STAT2: variants seen among roughly 807,000 people sequenced by gnomAD.
STAT2 encodes the protein signal transducer and activator of transcription 2, also known as interferon alpha induced transcriptional activator.
A neutral mutation model predicts 122.3 loss-of-function variants in STAT2; 51 were observed. That is an observed-to-expected ratio of 0.42 (90% CI 0.33 to 0.53). The LOEUF (loss-of-function observed/expected upper bound fraction) is 0.53, where lower values mean the gene tolerates loss of function less well. STAT2 is among the 20% of genes least tolerant of loss of function. The pLI is 0.10. For synonymous variants in STAT2, 351 were observed against 394.9 expected, an observed-to-expected ratio of 0.89 and a Z score of 1.32; for missense variants, 736 against 1,010.3, an observed-to-expected ratio of 0.73 and a Z score of 3.68.
At chr12:56,353,186 AT>A (rs558056744) in intron 8 of STAT2, among the ~76,000 whole-genome samples, 19 of 152,162 alleles carry the variant, frequency 1.2e-4, no homozygotes, top group Middle Eastern at 3.4e-3. Flanking sequence ...GTTTCACCAC[AT>A]TGGCCAGGCT....
chr12:56,345,695 C>T (rs555070910), intron 22 of STAT2, among the ~76,000 whole-genome samples: 1 of 143,864 alleles, frequency 7.0e-6, no homozygotes, highest in Admixed American at 7.1e-5. Flanking sequence ...GTGATGCATG[C>T]CTGTATTGCT....
chr12:56,357,710 CTTT>C (rs940388949), intron 1 of STAT2, among the ~76,000 whole-genome samples: 26 of 130,112 alleles, frequency 2.0e-4, no homozygotes, highest in South Asian at 5.0e-4. Flanking sequence ...AATTTTCTTT[CTTT>C]TTTTTTTTTT....
At position 56,351,333 on chromosome 12, in the gene STAT2, G is replaced by A; in HGVS notation, c.900C>T (p.Arg300=). The A allele has an allele frequency of 6.2e-7, 1 of 1,614,192 alleles. No homozygotes were observed. Among genetic ancestry groups the A allele is most frequent in the Non-Finnish European group, 8.5e-7 (1 of 1,180,048 alleles). ...GTAGCAACTCTGTGACCTGGGCGTT[G>A]CGTAGGTCCACCCCTTTGGTCAGAG... ...DDPLTKGVDL[R]NAQVTELLQR... Residue 300 remains arginine, a synonymous_variant, in exon 9 of 24, where the codon CGC becomes CGT. Coordinates refer to ENST00000314128, the MANE Select transcript of STAT2 (RefSeq NM_005419.4).
chr12:56,354,471 C>G lies in STAT2; in HGVS notation c.777G>C (p.Glu259Asp). The G allele has an allele frequency of 6.2e-7, 1 of 1,614,156 alleles. No individual in the cohort carries two copies. Among genetic ancestry groups the G allele is most frequent in the Non-Finnish European group, 8.5e-7 (1 of 1,180,034 alleles). Residue 259 changes from glutamate to aspartate, a missense_variant, in exon 8 of 24, where the codon GAG becomes GAC. Physicochemically the swap from Glu to Asp is conservative, Grantham distance 45. Transcript: ENST00000314128. ...GTTGGGGTGGTACCTCTCACCATGT[C>G]TCCAGCTGTTCCAACCCGTGGTCAA... ...APIDHGLEQL[E>D]TWFTAGAKLL...
chr12:56,351,622 A>G (rs142942405), intron 8 of STAT2, among the ~76,000 whole-genome samples, 172 bp from the exon 9 acceptor site: 1 of 152,200 alleles, frequency 6.6e-6, no homozygotes, highest in African/African-American at 2.4e-5. Context: ...TAATCCAAGA[A>G]ATGAAAATCA....
rs138159443 is a variant in STAT2 at position 56,343,051 on chromosome 12, C to T, written c.*338G>A. Reference sequence around the variant, plus strand: ...TAACCAACTATTAAAATGTTGAAATCCTTCCATACTGGAAAGAAGCCACTG... The same window carrying T: ...TAACCAACTATTAAAATGTTGAAATTCTTCCATACTGGAAAGAAGCCACTG... On this transcript the variant is annotated 3_prime_UTR_variant, in exon 24 of 24. Transcript: ENST00000314128. 99 of 228,000 alleles carry T rather than the reference C, an allele frequency of 4.3e-4. No individual in the cohort carries two copies. The highest frequency in any genetic ancestry group is 1.5e-3 in the Middle Eastern group (1 of 680). 14.1% of individuals were successfully genotyped at this position (228,000 alleles called of 1,614,324 possible).
intron 11 of STAT2, 146 bp downstream of exon 11, chr12:56,350,683 G>T: frequency 1.0e-6 from 1 of 956,928 alleles, no homozygotes; most frequent in Non-Finnish European, 1.6e-6. Context: ...CAAAGTAAGT[G>T]TTCAACAAAA....
intron 8 of STAT2, among the ~76,000 whole-genome samples, chr12:56,352,731 C>T (rs997603559): frequency 3.3e-5 from 5 of 150,160 alleles, no homozygotes; most frequent in African/African-American, 9.9e-5. Flanking sequence ...AGGTGAGGGT[C>T]TTGCTATATT....
chr12:56,359,349 C>T (rs945665469), intron 1 of STAT2, among the ~76,000 whole-genome samples: 3 of 151,972 alleles, frequency 2.0e-5, no homozygotes, highest in Non-Finnish European at 2.9e-5. Context: ...GCCCACAAGA[C>T]GAGAGGATGG....
At chr12:56,347,298 C>T (rs1877645556) in intron 19 of STAT2, among the ~76,000 whole-genome samples, 1 of 151,914 alleles carries the variant, frequency 6.6e-6, no homozygotes, top group Admixed American at 6.6e-5. Context: ...AAGCAATCTT[C>T]CCACCTCTCA....
chr12:56,350,288 G>A (rs1046682673), intron 12 of STAT2, 98 bp from the exon 13 acceptor site: 2 of 1,426,658 alleles, frequency 1.4e-6, no homozygotes, highest in Non-Finnish European at 1.9e-6. Context: ...TTCAGATCTC[G>A]CCATCTCCCT....
intron 6 of STAT2, 141 bp from the exon 7 acceptor site, chr12:56,355,004 G>A: frequency 1.1e-6 from 1 of 876,084 alleles, no homozygotes; most frequent in South Asian, 1.6e-5. Context: ...GGGACCCTCA[G>A]GCAAATTCTG....
At chr12:56,343,633 CT>C (rs1179361846) in intron 23 of STAT2, 102 bp from the exon 24 acceptor site, 1 of 1,536,974 alleles carries the variant, frequency 6.5e-7, no homozygotes, top group Non-Finnish European at 8.8e-7. Context: ...TGGGAAGAGC[CT>C]GAGTGGGAAC....
In STAT2 at chr12:56,349,035, G is replaced by A. The variant is rs149351309; in HGVS notation, c.1465C>T (p.Pro489Ser). The part of the protein sequence containing the change: ...LQNQQFFSNP[P>S]KAPWSLLGPA... ...CCCAGCAAGCTCCAGGGGGCCTTGG[G>A]GGGGTTGGAGAAGAACTGCTGGTTC... The change falls in exon 17 of 24, where the codon CCC becomes TCC. Residue 489 changes from proline (P) to serine (S), a missense_variant. Physicochemically the swap from Pro to Ser is moderately conservative, Grantham distance 74 (BLOSUM62 -1). Coordinates refer to ENST00000314128, the MANE Select transcript of STAT2 (RefSeq NM_005419.4). 7 of 1,613,520 alleles carry A rather than the reference G, an allele frequency of 4.3e-6. No individual in the cohort carries two copies. Among genetic ancestry groups the A allele is most frequent in the East Asian group, 2.2e-5 (1 of 44,882 alleles).
chr12:56,355,560 T>A (rs1166612434), intron 4 of STAT2, 28 bp from the exon 5 acceptor site: 2 of 1,613,584 alleles, frequency 1.2e-6, no homozygotes, highest in Admixed American at 3.3e-5. Context: ...GAGCACGTTT[T>A]AACTCTGGCC....
intron 6 of STAT2, 50 bp downstream of exon 6, chr12:56,355,226 G>A (rs777580212): frequency 3.1e-6 from 5 of 1,606,870 alleles, no homozygotes; most frequent in Non-Finnish European, 4.3e-6. Context: ...TCCAGCTCCG[G>A]CTTCTCAGCA....
At chr12:56,350,918 T>C in intron 10 of STAT2, 30 bp from the exon 11 acceptor site, 1 of 1,613,342 alleles carries the variant, frequency 6.2e-7, no homozygotes, top group South Asian at 1.1e-5. Flanking sequence ...TAGGGGAAAG[T>C]GGTCAACCTC....
In STAT2 at chr12:56,346,921, G is replaced by A. The variant is rs781403098; in HGVS notation, c.1759C>T (p.Arg587Cys). The A allele has an allele frequency of 3.1e-6, 5 of 1,614,012 alleles. No individual in the cohort carries two copies. Among genetic ancestry groups the A allele is most frequent in the African/African-American group, 1.3e-5 (1 of 74,900 alleles). The stretch of plus-strand genomic sequence containing the variant: ...GACATGGTCTTCTTCAGCAGCCGGC[G>A]CTCCTGGCTCCGACTCACAAAGCCC... Reference protein sequence around the residue: ...IMGFVSRSQERRLLKKTMSGT... With the variant: ...IMGFVSRSQECRLLKKTMSGT... The change falls in exon 20 of 24, where the codon CGC becomes TGC. Residue 587 changes from arginine (R) to cysteine (C), a missense_variant. Physicochemically the swap from Arg to Cys is radical, Grantham distance 180. Coordinates refer to ENST00000314128, the MANE Select transcript of STAT2 (RefSeq NM_005419.4).
chr12:56,350,977 G>A, intron 10 of STAT2, 89 bp from the exon 11 acceptor site: 1 of 1,575,196 alleles, frequency 6.3e-7, no homozygotes, highest in Non-Finnish European at 8.7e-7. Flanking sequence ...GGGATTATAA[G>A]AGGTAGGGAG....
Sources: gnomAD v4.1 joint callset for allele counts (sites outside exome capture counted in the v4.1 genomes callset) on GRCh38, gnomAD v4.1.1 for gene constraint, MANE v1.5 for transcripts, NCBI Gene and HGNC (gene_info 2026-07-23, HGNC 2026-07-21) for gene names.